BAZ2A: variants seen among roughly 807,000 people sequenced by gnomAD.
BAZ2A encodes bromodomain adjacent to zinc finger domain protein 2A.
A neutral mutation model predicts 199.9 loss-of-function variants in BAZ2A; 34 were observed. The ratio of observed to expected loss-of-function variants is 0.17; its 90% CI spans 0.13 to 0.23. The LOEUF (loss-of-function observed/expected upper bound fraction) is 0.23. BAZ2A is among the 10% of genes least tolerant of loss of function. The pLI is 1.00. For synonymous variants in BAZ2A, 857 were observed against 883.9 expected (o/e 0.97, Z 0.54); for missense variants, 2,002 against 2,391.1 (o/e 0.84, Z 3.39).
At chr12:56,625,746 C>A (rs867332470) in intron 1 of BAZ2A, among the ~76,000 whole-genome samples, 2 of 151,272 alleles carry the variant, frequency 1.3e-5, no homozygotes, top group Non-Finnish European at 2.9e-5. Flanking sequence ...CATGGTGGCG[C>A]GCGCCTGTAG....
At position 56,624,816 on chromosome 12, in the gene BAZ2A, G is replaced by A. The variant is rs1413860643; in HGVS notation, c.-3+5309C>T. ...ATATGCCTGTAGTGCCAGGTTCTCC[G>A]GAGGCTGAGGTGGGAGGATTATTTG... On this transcript the variant is annotated intron_variant, in intron 1 of 28. Coordinates refer to ENST00000549884, the MANE Select transcript of BAZ2A (RefSeq NM_001300905.2). Among the ~76,000 whole-genome samples the A allele has an allele frequency of 9.2e-5, 14 of 152,238 alleles. 1 individual carries two copies. Among genetic ancestry groups the A allele is most frequent in the African/African-American group, 2.4e-4 (10 of 41,538 alleles).
chr12:56,624,455 C>T (rs1177459982), intron 1 of BAZ2A, among the ~76,000 whole-genome samples: 1 of 152,110 alleles, frequency 6.6e-6, no homozygotes, highest in Non-Finnish European at 1.5e-5. Context: ...ACCATTATAT[C>T]CCTAGCACCT....
At chr12:56,616,815 T>C (rs1395540367) in intron 2 of BAZ2A, among the ~76,000 whole-genome samples, 1 of 151,786 alleles carries the variant, frequency 6.6e-6, no homozygotes, top group Non-Finnish European at 1.5e-5. Flanking sequence ...ACCTGGCGAG[T>C]CATGGTACAG....
At chr12:56,607,752 T>A (rs777801090) in intron 10 of BAZ2A, among the ~76,000 whole-genome samples, 1 of 152,100 alleles carries the variant, frequency 6.6e-6, no homozygotes, top group Non-Finnish European at 1.5e-5. Flanking sequence ...AAGACAGATA[T>A]TATGGGCAGA....
rs780572004 is a variant in BAZ2A, at chr12:56,600,248, G to T, written c.4845C>A (p.Ala1615=). 1.2e-6 allele frequency: 2 copies of T among 1,613,950 alleles called. No individual in the cohort carries two copies. Among genetic ancestry groups the T allele is most frequent in the South Asian group, 2.2e-5 (2 of 91,078 alleles). The part of the protein sequence containing the change: ...WPTHEVVLEK[A]LLSTPNGAPE... ...GGGCACCATTAGGTGTGCTAAGCAG[G>T]GCCTTCTCCAGCACAACCTCATGAG... The change falls in exon 24 of 29, where the codon GCC becomes GCA. Residue 1615 remains alanine (A), a synonymous_variant. Coordinates refer to ENST00000549884, the MANE Select transcript of BAZ2A (RefSeq NM_001300905.2).
intron 15 of BAZ2A, 44 bp downstream of exon 15, chr12:56,604,541 T>A: frequency 6.6e-7 from 1 of 1,523,284 alleles, no homozygotes; most frequent in Non-Finnish European, 8.9e-7. Context: ...CACCCCATTC[T>A]GATGCAAGGG....
rs560947120 is a variant in BAZ2A at position 56,603,677 on chromosome 12, C to T, written c.3062G>A (p.Arg1021Gln). 8.1e-6 allele frequency: 13 copies of T among 1,613,956 alleles called. No individual in the cohort carries two copies. In the Admixed American group the frequency reaches 8.3e-5, roughly 10 times the overall value. Reference sequence around the variant, plus strand: ...CATCTCTACTTCAGACCGCCCAGTTCGCTTGGCCAGAACAGTTTTCAGCCT... The same window carrying T: ...CATCTCTACTTCAGACCGCCCAGTTTGCTTGGCCAGAACAGTTTTCAGCCT... ...LRRLKTVLAK[R>Q]TGRSEVEMEG... Residue 1021 changes from arginine to glutamine, a missense_variant, in exon 17 of 29, where the codon CGA (arginine) becomes CAA (glutamine). This residue lies in a region of BAZ2A where 1,081 missense variants were observed against 1,274.7 expected (regional missense o/e 0.85). Coordinates refer to ENST00000549884, the MANE Select transcript of BAZ2A (RefSeq NM_001300905.2).
chr12:56,604,362 G>T, intron 15 of BAZ2A, 71 bp from the exon 16 acceptor site: 2 of 1,473,534 alleles, frequency 1.4e-6, no homozygotes, highest in South Asian at 1.2e-5. Flanking sequence ...GGGTAAAGGG[G>T]CTGCAGCTGA....
chr12:56,611,596 T>A lies in BAZ2A; in HGVS notation c.1647A>T (p.Glu549Asp). The A allele has an allele frequency of 1.2e-6, 2 of 1,613,166 alleles. No homozygotes were observed. The highest frequency in any genetic ancestry group is 1.7e-6 in the Non-Finnish European group (2 of 1,179,598). The change falls in exon 7 of 29, where the codon GAA (glutamate) becomes GAT (aspartate). Residue 549 changes from glutamate to aspartate, a missense_variant. Transcript: ENST00000549884. ...VMRRRIATPEEVRLPLQHGWR... is the reference protein window; with the variant it reads ...VMRRRIATPEDVRLPLQHGWR... ...ACCCATGTTGGAGGGGAAGACGAACTTCTTCTGGGGTAGCAATACGTCTCC... is the reference window on the plus strand; with the variant it reads ...ACCCATGTTGGAGGGGAAGACGAACATCTTCTGGGGTAGCAATACGTCTCC...
intron 11 of BAZ2A, 71 bp from the exon 12 acceptor site, chr12:56,606,383 A>C: frequency 6.4e-7 from 1 of 1,570,730 alleles, no homozygotes; most frequent in Admixed American, 1.7e-5. Context: ...GGATTCAAAA[A>C]CAGACAAGGG....
At chr12:56,623,494 TC>T (rs1950988243) in intron 1 of BAZ2A, among the ~76,000 whole-genome samples, 2 of 152,174 alleles carry the variant, frequency 1.3e-5, no homozygotes, top group Admixed American at 1.3e-4. Context: ...CAAATGTTTA[TC>T]TTGACTAAAC....
Position 56,595,945 on chromosome 12 carries a change from GT to G in BAZ2A, c.*2672del, listed in dbSNP as rs11324344. 1 allele frequency: 152,697 copies of G among 152,724 alleles called. 76,335 individuals are homozygous for G. Among genetic ancestry groups the G allele is most frequent in the Middle Eastern group, 1 (294 of 294 alleles). 9.5% of individuals were successfully genotyped at this position (152,724 alleles called of 1,614,324 possible). On this transcript the variant is annotated 3_prime_UTR_variant, in exon 29 of 29. Transcript: ENST00000549884. ...GTCTTTTGAATCTCTATCAAATGTG[GT>G]TTTTTTTATTCAACAACTGACAAGC...
intron 1 of BAZ2A, among the ~76,000 whole-genome samples, chr12:56,625,881 A>T (rs1951080377): frequency 6.6e-6 from 1 of 151,086 alleles, no homozygotes; most frequent in Admixed American, 6.6e-5. Flanking sequence ...GTCTCAAAAA[A>T]AAAAAAAAAA....
chr12:56,636,284 G>A (rs956040664), exon 1 of BAZ2A: 5 of 1,537,194 alleles, frequency 3.3e-6, no homozygotes, highest in Non-Finnish European at 4.4e-6. Flanking sequence ...CCCAAACTGT[G>A]AGCTGGGAAC....
rs762881442 is a variant in BAZ2A, at chr12:56,600,503, G to A, written c.4603-13C>T. 1.2e-6 allele frequency: 2 copies of A among 1,608,292 alleles called. No homozygotes were observed. The highest frequency in any genetic ancestry group is 3.3e-5 in the Admixed American group (2 of 59,846). On this transcript the variant is annotated splice_polypyrimidine_tract_variant and intron_variant, in intron 23 of 28. Transcript: ENST00000549884. ...GACATGTCCAGCCCTTCAGTTAAGA[G>A]AGAGGAATAAAACTCACTGTAAAAG...
At position 56,602,846 on chromosome 12, in the gene BAZ2A, G is replaced by A. The variant is rs1179363489; in HGVS notation, c.3291C>T (p.Phe1097=). The A allele has an allele frequency of 8.7e-6, 14 of 1,611,622 alleles. No homozygotes were observed. In the Admixed American group the frequency reaches 2.3e-4, roughly 27 times the overall value. The part of the protein sequence containing the change: ...QIEKLSKRQL[F]FRKKLLHSSQ... ...ATGAGTGAAGCAGCTTTTTGCGAAA[G>A]AAAAGCTGACGCTGGGTAGACAATG... The change falls in exon 19 of 29, where the codon TTC becomes TTT. Residue 1097 remains phenylalanine, a synonymous_variant. Transcript: ENST00000549884.
At chr12:56,617,744 C>A (rs1195131003) in intron 1 of BAZ2A, among the ~76,000 whole-genome samples, 1 of 152,114 alleles carries the variant, frequency 6.6e-6, no homozygotes, top group African/African-American at 2.4e-5. Context: ...TCTTTTAAAG[C>A]CAGCTTTGTA....
Position 56,603,838 on chromosome 12 carries a change from C to T in BAZ2A, c.3039-138G>A, listed in dbSNP as rs921284436. 4.2e-6 allele frequency: 4 copies of T among 958,088 alleles called. No individual in the cohort carries two copies. The East Asian group carries it at 1.1e-4, about 25-fold the overall frequency. 59.3% of individuals were successfully genotyped at this position (958,088 alleles called of 1,614,324 possible). On this transcript the variant is annotated intron_variant, in intron 16 of 28. Coordinates refer to ENST00000549884, the MANE Select transcript of BAZ2A (RefSeq NM_001300905.2). The stretch of plus-strand genomic sequence containing the variant: ...GACCAGCCTGGCCAACATGGTGAAA[C>T]CCTGTCTCTACTAAAAATACAAAAA...
Position 56,623,543 on chromosome 12 carries a change from C to T in BAZ2A, c.-2-6011G>A, listed in dbSNP as rs150081089. Among the ~76,000 whole-genome samples the T allele has an allele frequency of 4.7e-3, 713 of 152,292 alleles. 3 individuals carry two copies. The highest frequency in any genetic ancestry group is 0.016 in the African/African-American group (651 of 41,568). On this transcript the variant is annotated intron_variant, in intron 1 of 28. Transcript: ENST00000549884. ...TTCTAGAGTAAAAATCACACCACTACATTTTAGCTTTGTAATTGTGAACAT... is the reference window on the plus strand; with the variant it reads ...TTCTAGAGTAAAAATCACACCACTATATTTTAGCTTTGTAATTGTGAACAT...
Sources: gnomAD v4.1 joint callset for allele counts (sites outside exome capture counted in the v4.1 genomes callset) on GRCh38, gnomAD v4.1.1 for gene constraint, gnomAD v4.1.1 regional missense constraint, MANE v1.5 for transcripts, NCBI Gene and HGNC (gene_info 2026-07-23, HGNC 2026-07-21) for gene names.